RGS6: variants seen among roughly 807,000 people sequenced by gnomAD.
RGS6 encodes the protein regulator of G-protein signaling 6.
Under a neutral mutation model 78.5 loss-of-function variants are expected in RGS6, and 30 were observed. That is an observed-to-expected ratio of 0.38 (90% CI 0.29 to 0.52). The LOEUF (loss-of-function observed/expected upper bound fraction) is 0.52. Ranked by LOEUF, RGS6 falls within the 20% of genes least tolerant of loss-of-function variation. The pLI is 0.85. For missense variants in RGS6, 495 were observed against 609.7 expected (o/e 0.81, Z 1.98); for synonymous variants, 206 against 206.0 (o/e 1.00, Z 0.00).
At chr14:72,285,174 G>A (rs527356629) in intron 2 of RGS6, among the ~76,000 whole-genome samples, 1 of 152,290 alleles carries the variant, frequency 6.6e-6, no homozygotes, top group African/African-American at 2.4e-5. Context: ...GACTTTGGGG[G>A]ACTATAGTGA....
intron 3 of RGS6, among the ~76,000 whole-genome samples, chr14:72,442,336 C>T (rs997354025): frequency 2.0e-5 from 3 of 152,052 alleles, no homozygotes; most frequent in African/African-American, 7.3e-5. Context: ...TGCATGAGTC[C>T]TCCTTGAGCC....
At chr14:72,269,732 C>T (rs2059648860) in intron 2 of RGS6, among the ~76,000 whole-genome samples, 1 of 151,814 alleles carries the variant, frequency 6.6e-6, no homozygotes, top group Admixed American at 6.6e-5. Flanking sequence ...GCCTGATTAA[C>T]TTTTGCATTT....
chr14:72,173,971 C>T (rs185526584), intron 2 of RGS6, among the ~76,000 whole-genome samples: 328 of 152,040 alleles, frequency 2.2e-3, no homozygotes, highest in Non-Finnish European at 3.6e-3. Context: ...TATGCTGTGC[C>T]TGGAACACAC....
chr14:71,992,695 G>T (rs2095016901), intron 2 of RGS6, among the ~76,000 whole-genome samples: 1 of 152,172 alleles, frequency 6.6e-6, no homozygotes, highest in Admixed American at 6.5e-5. Flanking sequence ...TAAATTCCTA[G>T]AATTAGAATA....
chr14:72,318,698 A>T (rs1051709905), intron 2 of RGS6, among the ~76,000 whole-genome samples: 29 of 152,330 alleles, frequency 1.9e-4, no homozygotes, highest in Admixed American at 1.9e-3. Context: ...GGTACTTCAG[A>T]GCAGGCATAC....
intron 2 of RGS6, among the ~76,000 whole-genome samples, chr14:72,257,660 A>T (rs1365642864): frequency 1.3e-5 from 2 of 152,198 alleles, no homozygotes; most frequent in Non-Finnish European, 2.9e-5. Context: ...ATAACAAAGA[A>T]AAAAATAACA....
the RGS6 span, among the ~76,000 whole-genome samples, chr14:72,579,020 C>T: frequency 1.2e-4 from 18 of 152,224 alleles, no homozygotes; most frequent in Middle Eastern, 3.4e-3. Context: ...GTGTATCAAC[C>T]GCCTGCATCA....
intron 2 of RGS6, among the ~76,000 whole-genome samples, chr14:72,084,552 G>A (rs995875969): frequency 6.6e-6 from 1 of 152,176 alleles, no homozygotes; most frequent in South Asian, 2.1e-4. Flanking sequence ...GGCACTTACA[G>A]GTCCTGCAAT....
chr14:72,158,310 T>G (rs375812851), intron 2 of RGS6, among the ~76,000 whole-genome samples: 6 of 152,230 alleles, frequency 3.9e-5, no homozygotes, highest in African/African-American at 1.4e-4. Flanking sequence ...AATTTCTTCT[T>G]CTCGTGAGGA....
intron 17 of RGS6, chr14:72,540,491 A>T: frequency 3.5e-5 from 6 of 173,034 alleles, no homozygotes; most frequent in Non-Finnish European, 4.4e-5. Context: ...TAGCTCATCG[A>T]AAAAAAAAAA....
chr14:72,069,876 A>G (rs2094339343), intron 2 of RGS6, among the ~76,000 whole-genome samples: 1 of 152,106 alleles, frequency 6.6e-6, no homozygotes, highest in Admixed American at 6.5e-5. Context: ...AGTGGTGTTT[A>G]TCTACATTTA....
chr14:71,891,149 T>C, the RGS6 span, among the ~76,000 whole-genome samples: 1 of 152,242 alleles, frequency 6.6e-6, no homozygotes, highest in African/African-American at 2.4e-5. Context: ...TAGAATATTG[T>C]AGTTTGTAAA....
At chr14:72,408,298 A>G (rs1393122313) in intron 3 of RGS6, among the ~76,000 whole-genome samples, 1 of 152,100 alleles carries the variant, frequency 6.6e-6, no homozygotes, top group Non-Finnish European at 1.5e-5. Context: ...AGTTTTTCCA[A>G]TTGTGTGTTT....
intron 16 of RGS6, among the ~76,000 whole-genome samples, chr14:72,538,184 C>T (rs1314064104): frequency 6.6e-6 from 1 of 152,184 alleles, no homozygotes; most frequent in Non-Finnish European, 1.5e-5. Flanking sequence ...TCGGCACTTT[C>T]AGGTAGGCCT....
intron 1 of RGS6, among the ~76,000 whole-genome samples, chr14:71,952,595 A>C (rs1399750863): frequency 2.6e-5 from 4 of 151,624 alleles, no homozygotes; most frequent in African/African-American, 9.7e-5. Context: ...AAACTGTAAA[A>C]CCCCCGAGAA....
intron 2 of RGS6, among the ~76,000 whole-genome samples, chr14:72,130,525 A>G (rs933711910): frequency 2.0e-5 from 3 of 152,176 alleles, no homozygotes; most frequent in Non-Finnish European, 4.4e-5. Context: ...ATACAGCTCA[A>G]AGGGGTTCAT....
the RGS6 span, among the ~76,000 whole-genome samples, chr14:72,618,972 T>A: frequency 7.2e-5 from 11 of 152,152 alleles, no homozygotes; most frequent in Admixed American, 6.5e-4. Flanking sequence ...AGGAAATGGC[T>A]TCCCTTAAAA....
chr14:72,408,116 C>T (rs1486680892), intron 3 of RGS6, among the ~76,000 whole-genome samples: 1 of 152,180 alleles, frequency 6.6e-6, no homozygotes, highest in Non-Finnish European at 1.5e-5. Flanking sequence ...ACTTATAACA[C>T]TTACTATTTA....
intron 2 of RGS6, among the ~76,000 whole-genome samples, chr14:72,093,633 T>TTG (rs2095334905): frequency 6.6e-6 from 1 of 152,212 alleles, no homozygotes; most frequent in African/African-American, 2.4e-5. Context: ...TTAATCTGCA[T>TTG]TGCTCTAATG....
Sources: gnomAD v4.1 joint callset for allele counts (sites outside exome capture counted in the v4.1 genomes callset) on GRCh38, gnomAD v4.1.1 for gene constraint, MANE v1.5 for transcripts, NCBI Gene and HGNC (gene_info 2026-07-23, HGNC 2026-07-21) for gene names.